SCPEP1: variants seen among roughly 807,000 people sequenced by gnomAD.
The protein encoded by SCPEP1 is serine carboxypeptidase 1, also known as retinoid-inducible serine carboxypeptidase.
A neutral mutation model predicts 63.8 loss-of-function variants in SCPEP1; 51 were observed. The observed-to-expected ratio is 0.80, with a 90% CI of 0.64 to 1.01. SCPEP1 has a LOEUF of 1.01. Ranked by LOEUF, SCPEP1 falls within the 50% of genes least tolerant of loss-of-function variation. The probability of loss-of-function intolerance (pLI) is 0.00; values close to 1 mark genes in which losing one functional copy is unlikely to be tolerated. For missense variants in SCPEP1, 499 were observed against 554.9 expected (o/e 0.90, Z 1.01); for synonymous variants, 204 against 207.8 (o/e 0.98, Z 0.16).
intron 11 of SCPEP1, 122 bp downstream of exon 11, chr17:57,001,114 C>A: frequency 9.8e-7 from 1 of 1,018,342 alleles, no homozygotes; most frequent in Non-Finnish European, 1.5e-6. Flanking sequence ...AAGGCCATTT[C>A]CCATTACATC....
chr17:56,991,463 A>T (rs936721690), intron 6 of SCPEP1, among the ~76,000 whole-genome samples: 5 of 152,194 alleles, frequency 3.3e-5, no homozygotes, highest in Admixed American at 2.6e-4. Context: ...ACGTAGGATG[A>T]GTGGCCTAGT....
chr17:56,990,961 G>A (rs1911376997), intron 5 of SCPEP1, 138 bp from the exon 6 acceptor site: 1 of 726,554 alleles, frequency 1.4e-6, no homozygotes, highest in African/African-American at 1.7e-5. Flanking sequence ...TGTAGAGATG[G>A]GGGTCTCACT....
At chr17:57,001,084 G>A in intron 11 of SCPEP1, 92 bp downstream of exon 11, 2 of 1,373,992 alleles carry the variant, frequency 1.5e-6, no homozygotes, top group Non-Finnish European at 2.1e-6. Flanking sequence ...TGCGGTGGGT[G>A]ATGTTGAAAT....
intron 6 of SCPEP1, among the ~76,000 whole-genome samples, chr17:56,991,885 C>T (rs114144478): frequency 0.023 from 3,521 of 152,322 alleles, 131 homozygotes; most frequent in African/African-American, 0.079. Context: ...GCTAGTAGCA[C>T]CGCTCCAGTG....
In SCPEP1 at chr17:56,995,327, T is replaced by G. The variant is rs141877804; in HGVS notation, c.658-180T>G. On this transcript the variant is annotated intron_variant, in intron 7 of 12. Transcript: ENST00000262288. ...AGATCACGGTGAATACCTACTTAGG[T>G]TCAGTTAACAATTTGCTGTGTTTCA... 278 of 636,684 alleles carry G rather than the reference T, an allele frequency of 4.4e-4. 3 individuals carry two copies. In the African/African-American group the frequency reaches 4.7e-3, roughly 11 times the overall value. 39.4% of individuals were successfully genotyped at this position (636,684 alleles called of 1,614,324 possible). A position where few individuals can be genotyped will look rare whatever the true frequency, so the allele number is the denominator to read the frequency against.
intron 7 of SCPEP1, 54 bp from the exon 8 acceptor site, chr17:56,995,453 C>A (rs1911517081): frequency 1.3e-6 from 2 of 1,587,692 alleles, no homozygotes; most frequent in Admixed American, 1.8e-5. Flanking sequence ...GCAGCAATAC[C>A]AGATTGACGT....
rs138815286 is a variant in SCPEP1 at position 56,981,343 on chromosome 17, G to C, written c.225+113G>C. The C allele has an allele frequency of 3.3e-4, 380 of 1,161,396 alleles. 4 individuals carry two copies. The East Asian group carries it at 9.2e-3, about 28-fold the overall frequency. The allele number at this position is 1,161,396 out of a possible 1,614,324, so 71.9% of individuals were successfully genotyped here. A position where few individuals can be genotyped will look rare whatever the true frequency, so the allele number is the denominator to read the frequency against. ...AGTGAAGGGCGGATTTGGTCCAGCAGTGTGACCTGGGGGTTCGGCGTGCTT... is the reference window on the plus strand; with the variant it reads ...AGTGAAGGGCGGATTTGGTCCAGCACTGTGACCTGGGGGTTCGGCGTGCTT... On this transcript the variant is annotated intron_variant, in intron 2 of 12. Transcript: ENST00000262288.
intron 6 of SCPEP1, among the ~76,000 whole-genome samples, chr17:56,993,553 C>G (rs925811715): frequency 6.6e-6 from 1 of 152,220 alleles, no homozygotes; most frequent in African/African-American, 2.4e-5. Flanking sequence ...AAGCAATTCT[C>G]CTGTCTCAGC....
intron 5 of SCPEP1, among the ~76,000 whole-genome samples, chr17:56,990,033 G>T (rs1911346552): frequency 6.6e-6 from 1 of 152,172 alleles, no homozygotes; most frequent in Admixed American, 6.5e-5. Flanking sequence ...ACAACATAGT[G>T]AGACCCCTGT....
chr17:56,991,216 A>T, intron 6 of SCPEP1, 45 bp downstream of exon 6: 1 of 1,426,478 alleles, frequency 7.0e-7, no homozygotes, highest in Non-Finnish European at 9.9e-7. Context: ...CCTTTTGCCC[A>T]TCCTTTCCTG....
chr17:56,997,131 A>G (rs1597921136), intron 9 of SCPEP1, 76 bp downstream of exon 9: 1 of 944,108 alleles, frequency 1.1e-6, no homozygotes, highest in Non-Finnish European at 1.6e-6. Flanking sequence ...TAAAAAAAAA[A>G]AAAACTTTAT....
intron 10 of SCPEP1, 106 bp downstream of exon 10, chr17:56,998,604 T>C: frequency 1.3e-6 from 1 of 782,774 alleles, no homozygotes; most frequent in Non-Finnish European, 2.2e-6. Flanking sequence ...TTGGTGATGA[T>C]AGGTTATAGG....
intron 8 of SCPEP1, 96 bp from the exon 9 acceptor site, chr17:56,996,866 G>T: frequency 1.4e-6 from 1 of 722,332 alleles, no homozygotes; most frequent in Non-Finnish European, 2.2e-6. Flanking sequence ...AATTAAACCT[G>T]TCCTTGGATA....
At chr17:56,985,119 G>GAAAAT (rs1205925906) in intron 2 of SCPEP1, 5 of 515,374 alleles carry the variant, frequency 9.7e-6, no homozygotes, top group African/African-American at 9.6e-5. Context: ...GAAAAGAAAA[G>GAAAAT]AAAAGAAAAA....
chr17:56,987,554 T>C (rs1911260212), intron 3 of SCPEP1, 141 bp from the exon 4 acceptor site: 2 of 715,952 alleles, frequency 2.8e-6, no homozygotes, highest in Admixed American at 3.1e-5. Flanking sequence ...TTTTTAAAAA[T>C]CTCTTTTAGC....
intron 3 of SCPEP1, 96 bp downstream of exon 3, chr17:56,985,563 C>T: frequency 2.2e-6 from 2 of 900,216 alleles, no homozygotes; most frequent in Non-Finnish European, 3.6e-6. Context: ...CAATCCCTCG[C>T]TGTCCTTTTC....
intron 4 of SCPEP1, 95 bp downstream of exon 4, chr17:56,987,945 C>T: frequency 7.3e-7 from 1 of 1,363,460 alleles, no homozygotes; most frequent in South Asian, 1.4e-5. Flanking sequence ...AGTTTAATGC[C>T]TAGCTGATTT....
intron 2 of SCPEP1, chr17:56,985,078 C>G: frequency 2.7e-6 from 1 of 376,830 alleles, no homozygotes; most frequent in Non-Finnish European, 4.9e-6. Flanking sequence ...GCACTCCAAC[C>G]TGGGTGACAA....
chr17:56,991,162 T>C lies in SCPEP1; in HGVS notation c.610T>C (p.Ser204Pro), dbSNP rs1911386272. The C allele has an allele frequency of 1.2e-6, 2 of 1,612,998 alleles. No individual in the cohort carries two copies. The highest frequency in any genetic ancestry group is 1.7e-5 in the Admixed American group (1 of 60,000). Reference sequence around the variant, plus strand: ...GGTTGCCTTGGGTGATTCCTGGATCTCCCCTGTTGGTAAGTGTGGCATTTT... The same window carrying C: ...GGTTGCCTTGGGTGATTCCTGGATCCCCCCTGTTGGTAAGTGTGGCATTTT... ...AGVALGDSWI[S>P]PVDSVLSWGP... The change falls in exon 6 of 13, where the codon TCC (serine) becomes CCC (proline). Residue 204 changes from serine to proline, a missense_variant. Coordinates refer to ENST00000262288, the MANE Select transcript of SCPEP1 (RefSeq NM_021626.3).
Sources: gnomAD v4.1 joint callset for allele counts (sites outside exome capture counted in the v4.1 genomes callset) on GRCh38, gnomAD v4.1.1 for gene constraint, MANE v1.5 for transcripts, NCBI Gene and HGNC (gene_info 2026-07-23, HGNC 2026-07-21) for gene names.